The following WSCD2 variants were observed in gnomAD, a reference collection of about 807,000 sequenced individuals.
The protein encoded by WSCD2 is WSC domain sialate O sulfotransferase 2, also known as sialate:O-sulfotransferase 2.
WSCD2 carries 28 observed loss-of-function variants against 55.7 expected under a neutral mutation model. The ratio of observed to expected loss-of-function variants is 0.50; its 90% CI spans 0.37 to 0.69. WSCD2 has a LOEUF of 0.69. Among genes scored for constraint, WSCD2 ranks in the 30% least tolerant of loss-of-function variants. The probability of loss-of-function intolerance (pLI) is 0.00; values close to 1 mark genes in which losing one functional copy is unlikely to be tolerated. For synonymous variants in WSCD2, 301 were observed against 301.9 expected, an observed-to-expected ratio of 1.00 and a Z score of 0.03; for missense variants, 616 against 762.1, an observed-to-expected ratio of 0.81 and a Z score of 2.26.
At chr12:108,200,966 C>T (rs902210060) in intron 2 of WSCD2, among the ~76,000 whole-genome samples, 11 of 152,192 alleles carry the variant, frequency 7.2e-5, no homozygotes, top group African/African-American at 2.7e-4. Context: ...TTCAGAGAAT[C>T]CCCAGAAGGA....
intron 1 of WSCD2, among the ~76,000 whole-genome samples, chr12:108,162,099 G>A (rs1879124088): frequency 6.6e-6 from 1 of 152,178 alleles, no homozygotes; most frequent in African/African-American, 2.4e-5. Context: ...GGGGTAAAAT[G>A]GTAGCCAGTC....
intron 1 of WSCD2, among the ~76,000 whole-genome samples, chr12:108,141,617 C>CAGG (rs1325476561): frequency 6.6e-6 from 1 of 152,236 alleles, no homozygotes; most frequent in Non-Finnish European, 1.5e-5. Context: ...GACTCTCCAT[C>CAGG]AGGACCCTGG....
At chr12:108,144,287 G>A (rs1877164691) in intron 1 of WSCD2, among the ~76,000 whole-genome samples, 1 of 152,138 alleles carries the variant, frequency 6.6e-6, no homozygotes, top group African/African-American at 2.4e-5. Flanking sequence ...TACGCGTTAT[G>A]CATTCAGCAT....
At chr12:108,218,616 G>A (rs370667797) in intron 4 of WSCD2, among the ~76,000 whole-genome samples, 9 of 152,346 alleles carry the variant, frequency 5.9e-5, no homozygotes, top group African/African-American at 2.2e-4. Flanking sequence ...CACAGGCCCT[G>A]AGTGATGCCC....
chr12:108,243,212 G>A (rs868637960), intron 8 of WSCD2, among the ~76,000 whole-genome samples: 8 of 152,226 alleles, frequency 5.3e-5, no homozygotes, highest in African/African-American at 1.9e-4. Flanking sequence ...TGGGGCTCCA[G>A]AAATCTGTGT....
intron 8 of WSCD2, among the ~76,000 whole-genome samples, chr12:108,246,302 C>G (rs183622674): frequency 3.9e-5 from 6 of 152,332 alleles, no homozygotes; most frequent in Admixed American, 2.6e-4. Flanking sequence ...TTTTAAGAAG[C>G]AGCTGGGCTC....
chr12:108,238,645 A>C (rs920506302), intron 7 of WSCD2, among the ~76,000 whole-genome samples: 2 of 152,222 alleles, frequency 1.3e-5, no homozygotes, highest in Non-Finnish European at 2.9e-5. Context: ...GAGAAAGTGC[A>C]TGGACCCATT....
At chr12:108,236,937 GC>G (rs1889321587) in intron 7 of WSCD2, among the ~76,000 whole-genome samples, 2 of 152,194 alleles carry the variant, frequency 1.3e-5, no homozygotes, top group African/African-American at 2.4e-5. Context: ...AGGAGCCAGA[GC>G]CCTGACTTCT....
At chr12:108,190,196 G>A (rs150428907) in intron 1 of WSCD2, among the ~76,000 whole-genome samples, 355 of 152,262 alleles carry the variant, frequency 2.3e-3, no homozygotes, top group African/African-American at 7.9e-3. Flanking sequence ...TATAGTATGC[G>A]CTCAACAAAC....
chr12:108,210,339 C>A lies in WSCD2; in HGVS notation c.682+34C>A. 6.5e-7 allele frequency: 1 copy of A among 1,534,288 alleles called. No individual in the cohort carries two copies. The highest frequency in any genetic ancestry group is 1.2e-5 in the South Asian group (1 of 82,294). ...GTCTGCCCTGCCCCTCTCTGCTGCT[C>A]CTCCCTCAGCTGCAGCCCTTGCCCA... On this transcript the variant is annotated intron_variant, in intron 4 of 8. Coordinates refer to ENST00000547525, the MANE Select transcript of WSCD2 (RefSeq NM_014653.4). This position sits in a 1 kb window ranked among gnomAD's most constrained non-coding sequence, Gnocchi z 4.3.
chr12:108,211,820 A>ATTT (rs59190207), intron 4 of WSCD2, among the ~76,000 whole-genome samples: 6,704 of 134,506 alleles, frequency 0.05, 246 homozygotes, highest in Non-Finnish European at 0.079. Context: ...TGCCTGGCTA[A>ATTT]TTTTTTTTTT....
At chr12:108,158,701 C>T (rs1446602885) in intron 1 of WSCD2, among the ~76,000 whole-genome samples, 1 of 152,134 alleles carries the variant, frequency 6.6e-6, no homozygotes, top group Non-Finnish European at 1.5e-5. Flanking sequence ...TCTCCTGTCC[C>T]AGCCCTACAT....
chr12:108,166,763 T>TCTTTCTTTC (rs57041629), intron 1 of WSCD2, among the ~76,000 whole-genome samples: 1 of 128,922 alleles, frequency 7.8e-6, no homozygotes, highest in Non-Finnish European at 1.8e-5. Context: ...TTTCTTTCTT[T>TCTTTCTTTC]TCTTTCTTTC....
At chr12:108,226,364 G>A (rs1473815705) in intron 5 of WSCD2, among the ~76,000 whole-genome samples, 1 of 151,972 alleles carries the variant, frequency 6.6e-6, no homozygotes, top group Non-Finnish European at 1.5e-5. Context: ...GGAACACAGG[G>A]TATCAGTATC....
At chr12:108,199,735 T>C (rs1884421844) in intron 2 of WSCD2, among the ~76,000 whole-genome samples, 1 of 152,174 alleles carries the variant, frequency 6.6e-6, no homozygotes, top group Non-Finnish European at 1.5e-5. Flanking sequence ...ATTAACTCCA[T>C]CTTACAGGAG....
chr12:108,234,714 C>G (rs1318844470), intron 7 of WSCD2, among the ~76,000 whole-genome samples: 1 of 152,196 alleles, frequency 6.6e-6, no homozygotes, highest in Admixed American at 6.5e-5. Context: ...AATGCAAGTT[C>G]AGAAAGGATG....
At chr12:108,163,492 A>G (rs1879278442) in intron 1 of WSCD2, among the ~76,000 whole-genome samples, 2 of 152,232 alleles carry the variant, frequency 1.3e-5, no homozygotes, top group South Asian at 2.1e-4. Context: ...AATCCCTGGA[A>G]CCTGCAAATA....
intron 7 of WSCD2, among the ~76,000 whole-genome samples, chr12:108,239,755 T>A (rs1242212065): frequency 6.6e-6 from 1 of 152,162 alleles, no homozygotes; most frequent in Non-Finnish European, 1.5e-5. Context: ...CACTCTGTCA[T>A]CCAGGCTGGA....
At chr12:108,144,602 TTTTTTCATCCGTAGCATGGAGACCC>T (rs1309252925) in intron 1 of WSCD2, among the ~76,000 whole-genome samples, 1 of 152,078 alleles carries the variant, frequency 6.6e-6, no homozygotes, top group Non-Finnish European at 1.5e-5. Flanking sequence ...TGAGTCTCAG[TTTTTTCATCCGTAGCATGGAGACCC>T]TTGGAGCTCC....
Sources: gnomAD v4.1 joint callset for allele counts (sites outside exome capture counted in the v4.1 genomes callset) on GRCh38, gnomAD v4.1.1 for gene constraint, Gnocchi (gnomAD v3.1) non-coding constraint, MANE v1.5 for transcripts, NCBI Gene and HGNC (gene_info 2026-07-23, HGNC 2026-07-21) for gene names.